IRAK1BP1: variants seen among roughly 807,000 people sequenced by gnomAD.
IRAK1BP1 encodes interleukin-1 receptor-associated kinase 1-binding protein 1.
IRAK1BP1 carries 24 observed loss-of-function variants against 28.0 expected under a neutral mutation model. That is an observed-to-expected ratio of 0.86 (90% CI 0.62 to 1.20). The LOEUF (loss-of-function observed/expected upper bound fraction) is 1.20, where lower values mean the gene tolerates loss of function less well. Among genes scored for constraint, IRAK1BP1 ranks in the 50% most tolerant of loss-of-function variants. The pLI, the probability that IRAK1BP1 is intolerant of heterozygous loss-of-function variation, is 0.00. For synonymous variants in IRAK1BP1, 131 were observed against 116.3 expected (o/e 1.13, Z -0.81); for missense variants, 336 against 316.7 (o/e 1.06, Z -0.46).
rs752079109 is a variant in IRAK1BP1 at position 78,940,907 on chromosome 6, T to G, written c.*68-4501T>G. The G allele has an allele frequency of 7.4e-6, 12 of 1,613,742 alleles. No individual in the cohort carries two copies. In the African/African-American group the frequency reaches 1.1e-4, roughly 14 times the overall value. On this transcript the variant is annotated intron_variant and NMD_transcript_variant, in intron 4 of 4. Transcript: ENST00000606868. Reference sequence around the variant, plus strand: ...GAGTTCTTCAAACTCTTCTTCCTCATCTATAGGATCATCTATCTTTTTTCG... The same window carrying G: ...GAGTTCTTCAAACTCTTCTTCCTCAGCTATAGGATCATCTATCTTTTTTCG...
chr6:78,978,687 CAGTT>C, the IRAK1BP1 span: 2 of 1,594,788 alleles, frequency 1.3e-6, no homozygotes, highest in African/African-American at 1.3e-5. Context: ...AAACCATTTT[CAGTT>C]AGTTCTCCCA....
the IRAK1BP1 span, chr6:78,956,406 G>A: frequency 6.6e-6 from 1 of 152,060 alleles, no homozygotes; most frequent in Non-Finnish European, 1.5e-5. Context: ...GTCAACTGTA[G>A]CAGTCAATCT....
rs200615035 is a variant in IRAK1BP1 at position 78,897,872 on chromosome 6, G to T, written c.425G>T (p.Cys142Phe). The T allele has an allele frequency of 5.5e-5, 88 of 1,613,350 alleles. No homozygotes were observed. The highest frequency in any genetic ancestry group is 7.3e-5 in the Non-Finnish European group (86 of 1,179,572). ...FTEFGKMQNI[C>F]NFLVEKLDSS... ...GAATTTGGAAAAATGCAAAATATTTGTAACTTTCTTGTTGAAAAGCTAGAT... is the reference window on the plus strand; with the variant it reads ...GAATTTGGAAAAATGCAAAATATTTTTAACTTTCTTGTTGAAAAGCTAGAT... Residue 142 changes from cysteine to phenylalanine, a missense_variant, in exon 3 of 4, where the codon TGT becomes TTT. Physicochemically the swap from Cys to Phe is radical, Grantham distance 205. Transcript: ENST00000369940.
intron 2 of IRAK1BP1, among the ~76,000 whole-genome samples, chr6:78,891,801 A>G (rs1771674253): frequency 6.6e-6 from 1 of 152,168 alleles, no homozygotes; most frequent in Non-Finnish European, 1.5e-5. Flanking sequence ...TAGGTATTCA[A>G]TACTGTGTAT....
chr6:78,944,066 C>T (rs1010738068), intron 4 of IRAK1BP1, among the ~76,000 whole-genome samples: 3 of 144,440 alleles, frequency 2.1e-5, no homozygotes, highest in Non-Finnish European at 4.5e-5. Context: ...CTAAAGAAGA[C>T]GATATTTTAA....
At chr6:78,977,087 T>C in the IRAK1BP1 span, among the ~76,000 whole-genome samples, 1 of 142,068 alleles carries the variant, frequency 7.0e-6, no homozygotes, top group South Asian at 2.4e-4. Context: ...GTATGTTTAT[T>C]GTGGCATTAT....
chr6:78,953,418 G>A, the IRAK1BP1 span, among the ~76,000 whole-genome samples: 18 of 151,972 alleles, frequency 1.2e-4, no homozygotes, highest in African/African-American at 3.6e-4. Flanking sequence ...GAATACAAAC[G>A]CTTAAAACAA....
In IRAK1BP1 at chr6:78,909,102, A is replaced by G. The variant is rs577472308; in HGVS notation, c.*67+5992A>G. Among the ~76,000 whole-genome samples the G allele has an allele frequency of 4.6e-5, 7 of 152,344 alleles. No homozygotes were observed. The East Asian group carries it at 1.3e-3, about 29-fold the overall frequency. Reference sequence around the variant, plus strand: ...AAGTGTATACTGAGAAGGAAAACTAATGATTTAAGATGGCGAAGCAAGCAA... The same window carrying G: ...AAGTGTATACTGAGAAGGAAAACTAGTGATTTAAGATGGCGAAGCAAGCAA... On this transcript the variant is annotated intron_variant and NMD_transcript_variant, in intron 4 of 4. Coordinates refer to the IRAK1BP1 transcript ENST00000606868.
At chr6:78,918,946 C>T (rs1772646012) in intron 4 of IRAK1BP1, among the ~76,000 whole-genome samples, 1 of 152,182 alleles carries the variant, frequency 6.6e-6, no homozygotes, top group Non-Finnish European at 1.5e-5. Flanking sequence ...TGACCACATG[C>T]TTGGCCATAA....
rs542181148 is a variant in IRAK1BP1, at chr6:78,871,264, C to CT, written c.315+3374dup. ...ATGACCTCACAATGTCTGGTCCTCC[C>CT]TCACAAAAGTGTTTCGGTCACTCAG... On this transcript the variant is annotated intron_variant, in intron 1 of 3. Coordinates refer to ENST00000369940, the MANE Select transcript of IRAK1BP1 (RefSeq NM_001010844.4). 2.4e-4 allele frequency: 236 copies of CT among 985,236 alleles called. 3 individuals are homozygous for CT. In the South Asian group the frequency reaches 6.7e-3, roughly 28 times the overall value. The allele number at this position is 985,236 out of a possible 1,614,324, so 61.0% of individuals were successfully genotyped here.
At chr6:78,872,093 G>A (rs1770813785) in intron 1 of IRAK1BP1, 1 of 700,454 alleles carries the variant, frequency 1.4e-6, no homozygotes, top group Non-Finnish European at 2.6e-6. Context: ...TGAATGGAAA[G>A]AGACCCCAGC....
the IRAK1BP1 span, chr6:78,963,160 T>C: frequency 6.2e-7 from 1 of 1,611,368 alleles, no homozygotes; most frequent in Non-Finnish European, 8.5e-7. Context: ...CTGGGATTGG[T>C]ACCCCATTCT....
intron 4 of IRAK1BP1, among the ~76,000 whole-genome samples, chr6:78,920,767 AAAAC>A (rs563334607): frequency 1.5e-3 from 231 of 152,354 alleles, no homozygotes; most frequent in African/African-American, 5.0e-3. Flanking sequence ...AATTGAAACA[AAAAC>A]AAAAATTGAC....
At chr6:78,893,336 A>ATG (rs1562085858) in intron 2 of IRAK1BP1, among the ~76,000 whole-genome samples, 11 of 142,332 alleles carry the variant, frequency 7.7e-5, no homozygotes, top group Non-Finnish European at 1.4e-4. Flanking sequence ...ATATATATAT[A>ATG]TATATATATA....
chr6:78,948,102 G>C (rs185895216), downstream of IRAK1BP1, among the ~76,000 whole-genome samples: 473 of 152,206 alleles, frequency 3.1e-3, 2 homozygotes, highest in African/African-American at 0.011. Flanking sequence ...CCGAAAGTTT[G>C]AAAGAAAAAC....
In IRAK1BP1 at chr6:78,902,953, C is replaced by A; in HGVS notation, c.*4619C>A. On this transcript the variant is annotated 3_prime_UTR_variant, in exon 4 of 4. Coordinates refer to ENST00000369940, the MANE Select transcript of IRAK1BP1 (RefSeq NM_001010844.4). ...TTTCTACTATTAAAACAATAAAACT[C>A]TTATAAACCTGTTTATCAGAAGGAT... 9.4e-7 allele frequency: 1 copy of A among 1,061,368 alleles called. No individual in the cohort carries two copies. Among genetic ancestry groups the A allele is most frequent in the South Asian group, 1.4e-5 (1 of 72,620 alleles). 65.7% of individuals were successfully genotyped at this position (1,061,368 alleles called of 1,614,324 possible).
chr6:78,875,038 G>GA (rs770421200), intron 1 of IRAK1BP1, among the ~76,000 whole-genome samples: 2 of 151,566 alleles, frequency 1.3e-5, no homozygotes, highest in East Asian at 3.9e-4. Flanking sequence ...GAATAAGCAG[G>GA]AAAAAAAACA....
chr6:78,928,223 A>C (rs989282793), intron 4 of IRAK1BP1, among the ~76,000 whole-genome samples: 2 of 152,030 alleles, frequency 1.3e-5, no homozygotes, highest in African/African-American at 2.4e-5. Context: ...TTCATTATAG[A>C]GATCTTTCAC....
rs1472675803 is a variant in IRAK1BP1 at position 78,898,588 on chromosome 6, A to G, written c.*254A>G. ...ATAAATGTATTATGTGCATACTTAT[A>G]TACTGACAGTTCATACAAGCACATG... is the stretch of plus-strand genomic sequence containing the variant. On this transcript the variant is annotated 3_prime_UTR_variant, in exon 4 of 4. Transcript: ENST00000369940. 1 of 151,726 alleles carries G rather than the reference A, an allele frequency of 6.6e-6. No homozygotes were observed. Among genetic ancestry groups the G allele is most frequent in the Non-Finnish European group, 1.5e-5 (1 of 68,032 alleles). 9.4% of individuals were successfully genotyped at this position (151,726 alleles called of 1,614,324 possible).
Sources: allele counts gnomAD v4.1 joint callset (sites outside exome capture counted in the v4.1 genomes callset), GRCh38; gene constraint gnomAD v4.1.1; transcripts MANE v1.5; gene names NCBI Gene and HGNC (gene_info 2026-07-23, HGNC 2026-07-21).